The following SNX9 variants were observed in gnomAD, a reference collection of about 807,000 sequenced individuals.
The protein encoded by SNX9 is sorting nexin 9.
In SNX9, 44 loss-of-function variants were observed where a neutral mutation model predicts 89.4. That is an observed-to-expected ratio of 0.49 (90% CI 0.39 to 0.63). The LOEUF is 0.63. SNX9 is among the 30% of genes least tolerant of loss of function. SNX9 has a pLI of 0.00. For missense variants in SNX9, 578 were observed against 736.1 expected, an observed-to-expected ratio of 0.79 and a Z score of 2.49; for synonymous variants, 236 against 247.8, an observed-to-expected ratio of 0.95 and a Z score of 0.45.
intron 1 of SNX9, among the ~76,000 whole-genome samples, chr6:157,825,811 C>G (rs1781332551): frequency 6.6e-6 from 1 of 152,168 alleles, no homozygotes; most frequent in Non-Finnish European, 1.5e-5. Context: ...GCTTTCCTCC[C>G]TTCCCCCATA....
In SNX9 at chr6:157,906,082, T is replaced by C. The variant is rs539490585; in HGVS notation, c.621-46T>C. ...ATGTAGACGAGAGTTGTAAAATTCT[T>C]ACAAGGAAAGTCTTAAGACTGATGA... On this transcript the variant is annotated intron_variant, in intron 6 of 17. Transcript: ENST00000392185. The C allele has an allele frequency of 1.2e-5, 18 of 1,523,602 alleles. No homozygotes were observed. The African/African-American group carries it at 1.7e-4, about 14-fold the overall frequency. 94.4% of individuals were successfully genotyped at this position (1,523,602 alleles called of 1,614,324 possible).
At chr6:157,828,668 A>G (rs150205007) in intron 1 of SNX9, among the ~76,000 whole-genome samples, 7 of 151,966 alleles carry the variant, frequency 4.6e-5, no homozygotes, top group East Asian at 1.9e-4. Flanking sequence ...TACTTTTTGT[A>G]TTTTTTGTAG....
chr6:157,934,964 C>T (rs1783894165), intron 13 of SNX9, among the ~76,000 whole-genome samples: 1 of 151,858 alleles, frequency 6.6e-6, no homozygotes, highest in African/African-American at 2.4e-5. Flanking sequence ...TACCACTGGC[C>T]AAAGAAAAGA....
intron 16 of SNX9, among the ~76,000 whole-genome samples, chr6:157,940,116 G>C (rs1445330709): frequency 1.3e-5 from 2 of 152,208 alleles, no homozygotes; most frequent in African/African-American, 4.8e-5. Context: ...TACTGAAGAA[G>C]GGTCTCCCGC....
chr6:157,865,713 T>A (rs1782248104), intron 1 of SNX9, among the ~76,000 whole-genome samples: 1 of 152,252 alleles, frequency 6.6e-6, no homozygotes, highest in African/African-American at 2.4e-5. Flanking sequence ...TTTATGTATT[T>A]CAAGATAGCA....
At chr6:157,836,967 T>C (rs1369503360) in intron 1 of SNX9, among the ~76,000 whole-genome samples, 4 of 152,086 alleles carry the variant, frequency 2.6e-5, no homozygotes, top group Admixed American at 2.0e-4. Context: ...GAACCACTAT[T>C]GTGAGGGATG....
chr6:157,875,323 G>A, intron 4 of SNX9, 147 bp downstream of exon 4: 2 of 1,108,492 alleles, frequency 1.8e-6, no homozygotes, highest in Non-Finnish European at 1.2e-6. Flanking sequence ...ATTTCTGTTG[G>A]GTACTAACAA....
At chr6:157,864,842 A>T (rs1370448639) in intron 1 of SNX9, among the ~76,000 whole-genome samples, 1 of 152,146 alleles carries the variant, frequency 6.6e-6, no homozygotes, top group Non-Finnish European at 1.5e-5. Context: ...ATCCTGGCCA[A>T]CGTGGTGAAA....
intron 7 of SNX9, among the ~76,000 whole-genome samples, chr6:157,908,169 C>T (rs183976702): frequency 2.0e-5 from 3 of 152,028 alleles, no homozygotes; most frequent in East Asian, 1.9e-4. Context: ...AGGTCTCAGC[C>T]GAAACAAATC....
At chr6:157,892,104 G>A (rs990755840) in intron 4 of SNX9, among the ~76,000 whole-genome samples, 3 of 152,130 alleles carry the variant, frequency 2.0e-5, no homozygotes, top group African/African-American at 7.2e-5. Context: ...CTGCTCAGTA[G>A]AAAGGAAGAG....
intron 7 of SNX9, among the ~76,000 whole-genome samples, chr6:157,907,161 AT>A (rs368312212): frequency 4.6e-5 from 7 of 151,740 alleles, no homozygotes; most frequent in East Asian, 1.9e-4. Context: ...TATATTAAAG[AT>A]TTTTTTTTCC....
intron 7 of SNX9, among the ~76,000 whole-genome samples, chr6:157,908,322 C>G (rs777718075): frequency 2.0e-5 from 3 of 152,204 alleles, no homozygotes; most frequent in Non-Finnish European, 4.4e-5. Context: ...CTGAGTGAAT[C>G]TGCTTCCTGA....
At chr6:157,896,268 A>AT (rs1041249896) in intron 4 of SNX9, among the ~76,000 whole-genome samples, 3 of 152,112 alleles carry the variant, frequency 2.0e-5, no homozygotes, top group African/African-American at 4.8e-5. Flanking sequence ...TATTGTTTGA[A>AT]TTTTTTTTAT....
intron 1 of SNX9, among the ~76,000 whole-genome samples, chr6:157,859,770 G>A (rs1043699092): frequency 4.6e-5 from 7 of 152,104 alleles, no homozygotes; most frequent in Non-Finnish European, 7.4e-5. Flanking sequence ...GCCCATTTTT[G>A]TATTAGGTTG....
chr6:157,842,073 G>C (rs765409627), intron 1 of SNX9, among the ~76,000 whole-genome samples: 1 of 152,050 alleles, frequency 6.6e-6, no homozygotes, highest in Non-Finnish European at 1.5e-5. Context: ...CTCCAAAACT[G>C]TAGACTTAAA....
chr6:157,918,662 C>G (rs1188744000), intron 9 of SNX9, among the ~76,000 whole-genome samples: 2 of 152,050 alleles, frequency 1.3e-5, no homozygotes, highest in Non-Finnish European at 2.9e-5. Context: ...GTGTTTGCTT[C>G]TTTTTCCTCC....
chr6:157,835,235 A>C (rs1455786530), intron 1 of SNX9, among the ~76,000 whole-genome samples: 1 of 151,942 alleles, frequency 6.6e-6, no homozygotes, highest in Non-Finnish European at 1.5e-5. Context: ...CCAGTTTCAA[A>C]CTCCTGACAC....
intron 1 of SNX9, among the ~76,000 whole-genome samples, chr6:157,852,065 A>C (rs915146992): frequency 1.9e-4 from 29 of 152,104 alleles, no homozygotes; most frequent in Admixed American, 6.6e-5. Flanking sequence ...GCTATTGTGA[A>C]TGGTGTTGCT....
At chr6:157,861,610 AGC>A (rs1782123215) in intron 1 of SNX9, among the ~76,000 whole-genome samples, 1 of 152,220 alleles carries the variant, frequency 6.6e-6, no homozygotes, top group African/African-American at 2.4e-5. Flanking sequence ...CAGTGGAGTA[AGC>A]GCAAGGTTGA....
Sources: allele counts gnomAD v4.1 joint callset (sites outside exome capture counted in the v4.1 genomes callset), GRCh38; gene constraint gnomAD v4.1.1; transcripts MANE v1.5; gene names NCBI Gene and HGNC (gene_info 2026-07-23, HGNC 2026-07-21).